PRMT7: variants seen among roughly 807,000 people sequenced by gnomAD.
The protein encoded by PRMT7 is protein arginine methyltransferase 7, also known as protein arginine N-methyltransferase 7.
A neutral mutation model predicts 85.4 loss-of-function variants in PRMT7; 75 were observed. The ratio of observed to expected loss-of-function variants is 0.88; its 90% CI spans 0.73 to 1.06. The LOEUF (loss-of-function observed/expected upper bound fraction) is 1.06, where lower values mean the gene tolerates loss of function less well. PRMT7 is among the 50% of genes least tolerant of loss of function. PRMT7 has a pLI of 0.00. For synonymous variants in PRMT7, 397 were observed against 359.5 expected (o/e 1.10, Z -1.18); for missense variants, 868 against 915.2 (o/e 0.95, Z 0.67).
At chr16:68,312,707 A>C (rs145515399) in intron 2 of PRMT7, among the ~76,000 whole-genome samples, 1 of 152,304 alleles carries the variant, frequency 6.6e-6, no homozygotes, top group East Asian at 1.9e-4. Context: ...TGTAGTGTAG[A>C]CTGCTTCTGG....
chr16:68,334,616 AG>A (rs2084382195), intron 6 of PRMT7, among the ~76,000 whole-genome samples: 1 of 152,136 alleles, frequency 6.6e-6, no homozygotes, highest in Admixed American at 6.6e-5. Flanking sequence ...CCCAGGGAGC[AG>A]CGTGTGTTCA....
chr16:68,335,094 G>T (rs1418246758), intron 6 of PRMT7, among the ~76,000 whole-genome samples: 2 of 152,142 alleles, frequency 1.3e-5, no homozygotes, highest in Admixed American at 1.3e-4. Context: ...ACTGTGCCTG[G>T]CTCTTGATTT....
At chr16:68,347,171 C>A in intron 11 of PRMT7, 40 bp from the exon 12 acceptor site, 1 of 1,537,900 alleles carries the variant, frequency 6.5e-7, no homozygotes, top group Non-Finnish European at 8.8e-7. Context: ...TTCTGGCAAA[C>A]TGGAGGAAGC....
At chr16:68,318,120 T>C (rs896669833) in intron 3 of PRMT7, among the ~76,000 whole-genome samples, 20 of 152,114 alleles carry the variant, frequency 1.3e-4, no homozygotes, top group African/African-American at 4.8e-4. Flanking sequence ...CACAGTATAA[T>C]ACAATTATCT....
downstream of PRMT7, chr16:68,360,588 T>C (rs965789827): frequency 6.5e-5 from 10 of 153,192 alleles, no homozygotes; most frequent in African/African-American, 2.4e-4. Flanking sequence ...GTAATTGCCC[T>C]TGAATGCGAG....
Position 68,340,855 on chromosome 16 carries a change from A to G in PRMT7, c.927+887A>G, listed in dbSNP as rs1267393293. Among the ~76,000 whole-genome samples the G allele has an allele frequency of 5.3e-5, 8 of 152,330 alleles. No individual in the cohort carries two copies. In the South Asian group the frequency reaches 1.7e-3, roughly 32 times the overall value. ...AAGGCCACTAGCAGGGATCAAGTCC[A>G]TTATCCTTTCAGTGGGTGAGGTAGC... is the stretch of plus-strand genomic sequence containing the variant. On this transcript the variant is annotated intron_variant, in intron 9 of 18. Transcript: ENST00000441236.
chr16:68,340,207 C>G (rs2085301499), intron 9 of PRMT7, among the ~76,000 whole-genome samples: 1 of 152,164 alleles, frequency 6.6e-6, no homozygotes, highest in African/African-American at 2.4e-5. Context: ...TGGCTTTCCT[C>G]TCCCGCCTCA....
intron 14 of PRMT7, among the ~76,000 whole-genome samples, chr16:68,351,089 C>G (rs1026754203): frequency 6.6e-6 from 1 of 152,218 alleles, no homozygotes; most frequent in Non-Finnish European, 1.5e-5. Flanking sequence ...ATTCTGAAAG[C>G]CACTGTGTGG....
chr16:68,337,973 G>C (rs927676181), intron 7 of PRMT7, among the ~76,000 whole-genome samples: 2 of 152,136 alleles, frequency 1.3e-5, no homozygotes, highest in Admixed American at 6.5e-5. Context: ...ATTTTGTGCT[G>C]TGTGGGAGGC....
chr16:68,314,739 G>C (rs2044454928), intron 2 of PRMT7, among the ~76,000 whole-genome samples: 1 of 152,152 alleles, frequency 6.6e-6, no homozygotes, highest in African/African-American at 2.4e-5. Flanking sequence ...ATGGTAAGAG[G>C]GATGGGTATT....
In PRMT7 at chr16:68,324,796, G is replaced by A. The variant is rs201009669; in HGVS notation, c.246G>A (p.Ala82=). The part of the protein sequence containing the change: ...GTGTGLLSMM[A]VTAGADFCYA... The stretch of plus-strand genomic sequence containing the variant: ...GCACGGGACTCTTGTCAATGATGGC[G>A]GTCACAGCAGGTGCCGACTTCTGCT... Residue 82 remains alanine (A), a synonymous_variant, in exon 5 of 19, where the codon GCG becomes GCA. Coordinates refer to ENST00000441236, the MANE Select transcript of PRMT7 (RefSeq NM_019023.5). The A allele has an allele frequency of 1.2e-5, 20 of 1,614,034 alleles. No individual in the cohort carries two copies. The highest frequency in any genetic ancestry group is 1.2e-4 in the African/African-American group (9 of 74,936).
intron 11 of PRMT7, among the ~76,000 whole-genome samples, chr16:68,346,582 T>TC (rs1555565301): frequency 2.0e-5 from 3 of 151,152 alleles, no homozygotes; most frequent in African/African-American, 7.3e-5. Flanking sequence ...GGCCACCCCC[T>TC]CTTTTCATGT....
In PRMT7 at chr16:68,348,402, T is replaced by C; in HGVS notation, c.1384T>C (p.Leu462=). ...CATCATAGAGAAACGGCCGGAATTA[T>C]TAACAAATGAGGACCTACAGGGCAG... ...INIIEKRPEL[L]TNEDLQGRKV... is the part of the protein sequence containing the mutation. The change falls in exon 14 of 19, where the codon TTA becomes CTA. Residue 462 remains leucine, a synonymous_variant. Coordinates refer to ENST00000441236, the MANE Select transcript of PRMT7 (RefSeq NM_019023.5). The C allele has an allele frequency of 6.2e-7, 1 of 1,612,862 alleles. No individual in the cohort carries two copies. Among genetic ancestry groups the C allele is most frequent in the Non-Finnish European group, 8.5e-7 (1 of 1,178,898 alleles).
rs780281804 is a variant in PRMT7, at chr16:68,348,342, A to G, written c.1324A>G (p.Ile442Val). 1 of 1,595,924 alleles carries G rather than the reference A, an allele frequency of 6.3e-7. No homozygotes were observed. Among genetic ancestry groups the G allele is most frequent in the Non-Finnish European group, 8.6e-7 (1 of 1,164,404 alleles). ...GTAATTTTACGGTTTTCTTTCTAAG[A>G]TCTTCAAGGCTAACCACTTGGAAGA... Reference protein sequence around the residue: ...SAASHKLLRKIFKANHLEDKI... With the variant: ...SAASHKLLRKVFKANHLEDKI... Residue 442 changes from isoleucine to valine, a missense_variant and splice_region_variant, in exon 14 of 19, where the codon ATC (isoleucine) becomes GTC (valine). Transcript: ENST00000441236.
At chr16:68,353,369 C>A in intron 15 of PRMT7, 123 bp from the exon 16 acceptor site, 3 of 1,534,684 alleles carry the variant, frequency 2.0e-6, no homozygotes, top group East Asian at 2.5e-5. Flanking sequence ...TCTCTGAGCC[C>A]CTTCATACTT....
At chr16:68,343,875 G>C (rs1022029276) in intron 9 of PRMT7, among the ~76,000 whole-genome samples, 2 of 152,188 alleles carry the variant, frequency 1.3e-5, no homozygotes, top group South Asian at 2.1e-4. Flanking sequence ...TTCCTTACCT[G>C]TGCTCTTGGA....
rs572531878 is a variant in PRMT7, at chr16:68,337,580, C to T, written c.504+9C>T. ...ACAGGCATCTCGTGGAGGTAGTAGA[C>T]GGAGGGCTCCCTCAGACGTGTCTGT... On this transcript the variant is annotated intron_variant, in intron 7 of 18. Coordinates refer to ENST00000441236, the MANE Select transcript of PRMT7 (RefSeq NM_019023.5). 5.6e-5 allele frequency: 89 copies of T among 1,582,642 alleles called. 2 individuals are homozygous for T. Among genetic ancestry groups the T allele is most frequent in the South Asian group, 3.8e-4 (34 of 89,546 alleles).
In PRMT7 at chr16:68,357,039, C is replaced by T; in HGVS notation, c.1909-15C>T. On this transcript the variant is annotated splice_polypyrimidine_tract_variant and intron_variant, in intron 18 of 18. Transcript: ENST00000441236. ...CCAGGGAGCCCTCACCATCTTCCTG[C>T]TCTTCTTCCTACAGGGGGGCTGCTG... The T allele has an allele frequency of 6.3e-7, 1 of 1,594,052 alleles. No individual in the cohort carries two copies. The highest frequency in any genetic ancestry group is 8.6e-7 in the Non-Finnish European group (1 of 1,169,144).
chr16:68,350,307 G>A (rs887184378), intron 14 of PRMT7, among the ~76,000 whole-genome samples: 20 of 152,196 alleles, frequency 1.3e-4, no homozygotes, highest in African/African-American at 4.8e-4. Context: ...GCTGGGTCAT[G>A]TGGTAGTTAC....
Sources: gnomAD v4.1 joint callset for allele counts (sites outside exome capture counted in the v4.1 genomes callset) on GRCh38, gnomAD v4.1.1 for gene constraint, MANE v1.5 for transcripts, NCBI Gene and HGNC (gene_info 2026-07-23, HGNC 2026-07-21) for gene names.